ADAM15: variants seen among roughly 807,000 people sequenced by gnomAD.
The protein encoded by ADAM15 is ADAM metallopeptidase domain 15.
Under a neutral mutation model 113.8 loss-of-function variants are expected in ADAM15, and 77 were observed. The ratio of observed to expected loss-of-function variants is 0.68; its 90% CI spans 0.56 to 0.82. The LOEUF (loss-of-function observed/expected upper bound fraction) is 0.82. ADAM15 is among the 40% of genes least tolerant of loss of function. The probability of loss-of-function intolerance (pLI) is 0.00; values close to 1 mark genes in which losing one functional copy is unlikely to be tolerated. For missense variants in ADAM15, 963 were observed against 1,120.1 expected, an observed-to-expected ratio of 0.86 and a Z score of 2.00; for synonymous variants, 388 against 454.1, an observed-to-expected ratio of 0.85 and a Z score of 1.85.
rs569230760 is a variant in ADAM15 at position 155,054,212 on chromosome 1, C to T, written c.405C>T (p.Thr135=). ...CAGGCTCCTGGGTGTCCATCTGCAC[C>T]TGCTCTGGGCTCAGGTATACTGGGC... ...GYAGSWVSIC[T]CSGLRGLVVL... Residue 135 remains threonine (T), a synonymous_variant, in exon 5 of 23, where the codon ACC becomes ACT. Coordinates refer to ENST00000356955, the MANE Select transcript of ADAM15 (RefSeq NM_207197.3). 6.9e-5 allele frequency: 110 copies of T among 1,603,632 alleles called. No individual in the cohort carries two copies. The Admixed American group carries it at 1.1e-3, about 17-fold the overall frequency.
At position 155,057,889 on chromosome 1, in the gene ADAM15, G is replaced by A. The variant is rs374792309; in HGVS notation, c.1455G>A (p.Gly485=). ...GCTGGCAGTGTCGTCCTACCAGAGG[G>A]GATTGTGACTTGCCTGAATTCTGCC... is the stretch of plus-strand genomic sequence containing the variant. ...PSGWQCRPTR[G]DCDLPEFCPG... The change falls in exon 14 of 23, where the codon GGG becomes GGA. Residue 485 remains glycine (G), a synonymous_variant. Coordinates refer to ENST00000356955, the MANE Select transcript of ADAM15 (RefSeq NM_207197.3). The surrounding 1 kb of genome is among the most constrained non-coding windows in gnomAD (Gnocchi z 5.0). 261 of 1,613,076 alleles carry A rather than the reference G, an allele frequency of 1.6e-4. No individual in the cohort carries two copies. Among genetic ancestry groups the A allele is most frequent in the Non-Finnish European group, 2.1e-4 (244 of 1,180,016 alleles).
In ADAM15 at chr1:155,052,493, TAG is replaced by T. The variant is rs1283972230; in HGVS notation, c.80-172_80-171del. Reference sequence around the variant, plus strand: ...GGTTGGTGGGTGGAAAGCCATAAATTAGAGAGACACCCTCTCCTTCCAGTATT... The same window carrying T: ...GGTTGGTGGGTGGAAAGCCATAAATTAGAGACACCCTCTCCTTCCAGTATT... On this transcript the variant is annotated intron_variant, in intron 1 of 22. Transcript: ENST00000356955. The T allele has an allele frequency of 3.9e-6, 6 of 1,537,022 alleles. No individual in the cohort carries two copies. The East Asian group carries it at 7.3e-5, about 19-fold the overall frequency.
chr1:155,054,739 G>A (rs1222734882), intron 6 of ADAM15, among the ~76,000 whole-genome samples: 5 of 152,190 alleles, frequency 3.3e-5, no homozygotes, highest in East Asian at 3.9e-4. Flanking sequence ...GCATGGTGGC[G>A]TGCACCCGTA....
intron 1 of ADAM15, chr1:155,051,839 G>A: frequency 5.1e-6 from 1 of 197,700 alleles, no homozygotes; most frequent in Non-Finnish European, 1.0e-5. Context: ...GTTCGACCCG[G>A]TGCCAGGGCG....
chr1:155,056,007 G>A lies in ADAM15; in HGVS notation c.744+7G>A. ...GGCCCTCTTGCTGGACACAGTGAGT[G>A]CTGGACAGGGCAACCCCCACCCCAG... On this transcript the variant is annotated splice_region_variant and intron_variant, in intron 8 of 22. Transcript: ENST00000356955. The surrounding 1 kb of genome is among the most constrained non-coding windows in gnomAD (Gnocchi z 4.0). The A allele has an allele frequency of 2.5e-6, 4 of 1,613,518 alleles. No individual in the cohort carries two copies. The highest frequency in any genetic ancestry group is 3.4e-6 in the Non-Finnish European group (4 of 1,180,030).
chr1:155,052,472 G>A (rs1661180227), intron 1 of ADAM15, 199 bp from the exon 2 acceptor site: 1 of 1,528,286 alleles, frequency 6.5e-7, no homozygotes, highest in South Asian at 1.2e-5. Flanking sequence ...TGAATGGGTT[G>A]GTGGGTGGAA....
In ADAM15 at chr1:155,056,864, G is replaced by A. The variant is rs980459347; in HGVS notation, c.1000-89G>A. On this transcript the variant is annotated intron_variant, in intron 10 of 22. Coordinates refer to ENST00000356955, the MANE Select transcript of ADAM15 (RefSeq NM_207197.3). This position sits in a 1 kb window ranked among gnomAD's most constrained non-coding sequence, Gnocchi z 4.0. The stretch of plus-strand genomic sequence containing the variant: ...CTGCTGAGTGCCCACGAGGTCAGAC[G>A]TGGAGGGAACAGGAGCAGAGAGGGT... 10 of 1,498,180 alleles carry A rather than the reference G, an allele frequency of 6.7e-6. No individual in the cohort carries two copies. Among genetic ancestry groups the A allele is most frequent in the East Asian group, 4.6e-5 (2 of 43,354 alleles). 92.8% of individuals were successfully genotyped at this position (1,498,180 alleles called of 1,614,324 possible). A position where few individuals can be genotyped will look rare whatever the true frequency, so the allele number is the denominator to read the frequency against.
At chr1:155,054,084 T>G (rs143370209) in intron 4 of ADAM15, 66 bp from the exon 5 acceptor site, 1 of 1,612,706 alleles carries the variant, frequency 6.2e-7, no homozygotes, top group African/African-American at 1.3e-5. Flanking sequence ...ACCGTCAAGC[T>G]AGGCTCCTCA....
Position 155,062,669 on chromosome 1 carries a change from A to T in ADAM15, c.*167A>T. On this transcript the variant is annotated 3_prime_UTR_variant, in exon 23 of 23. Transcript: ENST00000356955. The surrounding 1 kb of genome is among the most constrained non-coding windows in gnomAD (Gnocchi z 7.0). ...CAACACTCTGCGGACCTGCCGGCGT[A>T]GTTGCAGCGGGGGCTTGGGGAGGGG... The T allele has an allele frequency of 1.0e-6, 1 of 964,270 alleles. No homozygotes were observed. The highest frequency in any genetic ancestry group is 1.5e-6 in the Non-Finnish European group (1 of 665,474). 59.7% of individuals were successfully genotyped at this position (964,270 alleles called of 1,614,324 possible).
intron 19 of ADAM15, 26 bp from the exon 20 acceptor site, chr1:155,061,389 C>A: frequency 6.2e-7 from 1 of 1,604,906 alleles, no homozygotes. Context: ...CCCCTCTGTG[C>A]CTATCTGCCC....
At chr1:155,054,250 A>G in intron 5 of ADAM15, 24 bp downstream of exon 5, 1 of 1,586,132 alleles carries the variant, frequency 6.3e-7, no homozygotes, top group Non-Finnish European at 8.6e-7. Flanking sequence ...ATTTAATGAC[A>G]GTAGAGAAAG....
At position 155,056,297 on chromosome 1, in the gene ADAM15, A is replaced by T; in HGVS notation, c.914+48A>T. 1 of 1,612,164 alleles carries T rather than the reference A, an allele frequency of 6.2e-7. No individual in the cohort carries two copies. The highest frequency in any genetic ancestry group is 8.5e-7 in the Non-Finnish European group (1 of 1,178,748). On this transcript the variant is annotated intron_variant, in intron 9 of 22. Transcript: ENST00000356955. The surrounding 1 kb of genome is among the most constrained non-coding windows in gnomAD (Gnocchi z 4.0). ...GAGAGGCCAGTCCTGTCCTGGCCAA[A>T]TTCACACCCCTTCAGCACCCTACCT...
In ADAM15 at chr1:155,062,592, G is replaced by T. The variant is rs1662807605; in HGVS notation, c.*90G>T. The T allele has an allele frequency of 1.3e-6, 2 of 1,520,200 alleles. No individual in the cohort carries two copies. The highest frequency in any genetic ancestry group is 2.8e-5 in the African/African-American group (2 of 72,470). 94.2% of individuals were successfully genotyped at this position (1,520,200 alleles called of 1,614,324 possible). ...GGAGTCCCCTACCATGACTGAAGGC[G>T]CCAGAGACTGGCGGTGTCTTAAGAC... On this transcript the variant is annotated 3_prime_UTR_variant, in exon 23 of 23. Coordinates refer to ENST00000356955, the MANE Select transcript of ADAM15 (RefSeq NM_207197.3). This position sits in a 1 kb window ranked among gnomAD's most constrained non-coding sequence, Gnocchi z 7.0.
chr1:155,061,624 CTG>C lies in ADAM15; in HGVS notation c.2352+136_2352+137del, dbSNP rs1185927169. On this transcript the variant is annotated intron_variant, in intron 20 of 22. Coordinates refer to ENST00000356955, the MANE Select transcript of ADAM15 (RefSeq NM_207197.3). ...GGGTGCCCCTCAGCCTTCAGACACTCTGAGCCCCAGAAGCAGCAAAGGGTGAG... is the reference window on the plus strand; with the variant it reads ...GGGTGCCCCTCAGCCTTCAGACACTCAGCCCCAGAAGCAGCAAAGGGTGAG... 5 of 1,008,784 alleles carry C rather than the reference CTG, an allele frequency of 5.0e-6. No individual in the cohort carries two copies. The African/African-American group carries it at 6.4e-5, about 13-fold the overall frequency. The allele number at this position is 1,008,784 out of a possible 1,614,324, so 62.5% of individuals were successfully genotyped here.
rs1662071726 is a variant in ADAM15 at position 155,058,283 on chromosome 1, A to G, written c.1759A>G (p.Arg587Gly). ...TGGGCAGCTCCAGTGCCAGACAGGT[A>G]GGACCCAGCCTCTGCTGGGCTCCAT... ...ICGQLQCQTG[R>G]TQPLLGSIRD... The change falls in exon 15 of 23, where the codon AGG (arginine) becomes GGG (glycine). Residue 587 changes from arginine (R) to glycine (G), a missense_variant. Arg to Gly is a moderately radical substitution (Grantham distance 125, BLOSUM62 -2). Transcript: ENST00000356955. This position sits in a 1 kb window ranked among gnomAD's most constrained non-coding sequence, Gnocchi z 4.3. 1 of 1,614,004 alleles carries G rather than the reference A, an allele frequency of 6.2e-7. No individual in the cohort carries two copies. The highest frequency in any genetic ancestry group is 8.5e-7 in the Non-Finnish European group (1 of 1,180,044).
At position 155,060,079 on chromosome 1, in the gene ADAM15, CCT is replaced by C. The variant is rs958415875; in HGVS notation, c.2068+106_2068+107del. On this transcript the variant is annotated intron_variant, in intron 17 of 22. Transcript: ENST00000356955. The stretch of plus-strand genomic sequence containing the variant: ...TCTGACCCCCCTTTGCTGCTGGTTC[CCT>C]GAGTCTGTGCCCCTTGAACCCTTCA... The C allele has an allele frequency of 7.2e-5, 113 of 1,571,966 alleles. No homozygotes were observed. In the African/African-American group the frequency reaches 1.2e-3, roughly 17 times the overall value.
At chr1:155,061,215 C>A in intron 19 of ADAM15, 200 bp from the exon 20 acceptor site, 1 of 588,528 alleles carries the variant, frequency 1.7e-6, no homozygotes, top group East Asian at 2.8e-5. Context: ...CACCCTGAGC[C>A]CTCTGCTTGG....
At chr1:155,054,098 C>G (rs571464171) in intron 4 of ADAM15, 52 bp from the exon 5 acceptor site, 9 of 1,613,020 alleles carry the variant, frequency 5.6e-6, no homozygotes, top group Middle Eastern at 1.7e-4. Flanking sequence ...CTCCTCAGTT[C>G]CAGTCCTGGT....
Position 155,057,745 on chromosome 1 carries a change from A to C in ADAM15, c.1416+16A>C, listed in dbSNP as rs745778126. On this transcript the variant is annotated intron_variant, in intron 13 of 22. Transcript: ENST00000356955. The surrounding 1 kb of genome is among the most constrained non-coding windows in gnomAD (Gnocchi z 5.0). ...AAATTGCCAGGTGGGTAGAGACTAGACTGGCCACCCGGAGCTCACCTGCCG... is the reference window on the plus strand; with the variant it reads ...AAATTGCCAGGTGGGTAGAGACTAGCCTGGCCACCCGGAGCTCACCTGCCG... 1.9e-5 allele frequency: 31 copies of C among 1,613,926 alleles called. No homozygotes were observed. The highest frequency in any genetic ancestry group is 2.5e-5 in the Non-Finnish European group (30 of 1,179,932).
Sources: gnomAD v4.1 joint callset for allele counts (sites outside exome capture counted in the v4.1 genomes callset) on GRCh38, gnomAD v4.1.1 for gene constraint, Gnocchi (gnomAD v3.1) non-coding constraint, MANE v1.5 for transcripts, NCBI Gene and HGNC (gene_info 2026-07-23, HGNC 2026-07-21) for gene names.